SNX29: variants seen among roughly 807,000 people sequenced by gnomAD.
The protein encoded by SNX29 is sorting nexin 29, also known as sorting nexin-29.
Under a neutral mutation model 102.1 loss-of-function variants are expected in SNX29, and 78 were observed. That is an observed-to-expected ratio of 0.76 (90% confidence interval 0.64 to 0.92). The LOEUF (loss-of-function observed/expected upper bound fraction) is 0.92. Among genes scored for constraint, SNX29 ranks in the 40% least tolerant of loss-of-function variants. The pLI is 0.00. For missense variants in SNX29, 1,280 were observed against 1,061.7 expected (o/e 1.21, Z -2.86); for synonymous variants, 580 against 414.5 (o/e 1.40, Z -4.85).
chr16:12,425,121 T>G (rs1211264311), intron 18 of SNX29, among the ~76,000 whole-genome samples: 2 of 152,348 alleles, frequency 1.3e-5, no homozygotes, highest in African/African-American at 4.8e-5. Context: ...TGCATTAATC[T>G]AAACGCAAAA....
chr16:12,209,178 G>A (rs185715226), intron 14 of SNX29, among the ~76,000 whole-genome samples: 35 of 152,278 alleles, frequency 2.3e-4, no homozygotes, highest in African/African-American at 8.4e-4. Context: ...ACGGGTTGCA[G>A]GGGGGTAAAG....
At chr16:12,174,976 G>C (rs1184916461) in intron 13 of SNX29, among the ~76,000 whole-genome samples, 2 of 152,114 alleles carry the variant, frequency 1.3e-5, no homozygotes, top group African/African-American at 4.8e-5. Context: ...AAGAGGGCTA[G>C]TAAACAGCTT....
intron 1 of SNX29, among the ~76,000 whole-genome samples, chr16:11,983,027 C>T (rs1393647155): frequency 6.6e-6 from 1 of 151,848 alleles, no homozygotes; most frequent in Non-Finnish European, 1.5e-5. Flanking sequence ...GCCTCCTGGG[C>T]TCCAGTGATT....
chr16:12,564,259 A>G (rs554249573), intron 20 of SNX29, among the ~76,000 whole-genome samples: 17 of 152,306 alleles, frequency 1.1e-4, no homozygotes, highest in African/African-American at 3.8e-4. Flanking sequence ...TTCCTTTGGT[A>G]TATTAGATGC....
rs554260223 is a variant in SNX29, at chr16:12,351,766, C to G, written c.1783-4397C>G. The stretch of plus-strand genomic sequence containing the variant: ...AGGCATCATTTTCCAAAGCCCAACT[C>G]AAATGTCACTTTCTTGGTGGTGCTT... On this transcript the variant is annotated intron_variant, in intron 15 of 20. Coordinates refer to ENST00000566228, the MANE Select transcript of SNX29 (RefSeq NM_032167.5). Among the ~76,000 whole-genome samples the G allele has an allele frequency of 3.3e-5, 5 of 152,252 alleles. No homozygotes were observed. In the South Asian group the frequency reaches 1.0e-3, roughly 32 times the overall value.
At chr16:12,200,841 C>T (rs2076897304) in intron 14 of SNX29, among the ~76,000 whole-genome samples, 1 of 152,212 alleles carries the variant, frequency 6.6e-6, no homozygotes, top group Non-Finnish European at 1.5e-5. Context: ...CCACGACCAC[C>T]TGACCCCTTT....
rs1177696217 is a variant in SNX29, at chr16:12,059,970, C to T, written c.1125-1558C>T. ...TTGCCTCCCTTCCCTTTGTCTGCCC[C>T]CGCACTTCCCTTCTTAAGTAGGTAT... On this transcript the variant is annotated intron_variant, in intron 8 of 20. Transcript: ENST00000566228. 3.3e-5 allele frequency among the ~76,000 whole-genome samples: 5 copies of T among 152,136 alleles called. No individual in the cohort carries two copies. In the South Asian group the frequency reaches 1.0e-3, roughly 32 times the overall value.
At chr16:12,346,875 G>T (rs1244777295) in intron 15 of SNX29, among the ~76,000 whole-genome samples, 6 of 152,028 alleles carry the variant, frequency 3.9e-5, no homozygotes, top group Admixed American at 2.6e-4. Flanking sequence ...TCCCTCCCTG[G>T]CTTGCCTGTG....
intron 3 of SNX29, among the ~76,000 whole-genome samples, chr16:12,009,038 G>A (rs1342497989): frequency 5.3e-5 from 8 of 152,180 alleles, no homozygotes; most frequent in East Asian, 3.9e-4. Flanking sequence ...CACTGCGCCC[G>A]GCCTATGTTT....
chr16:12,077,319 A>G (rs2051625660), intron 10 of SNX29, among the ~76,000 whole-genome samples: 1 of 151,838 alleles, frequency 6.6e-6, no homozygotes, highest in African/African-American at 2.4e-5. Flanking sequence ...AAATGAAAAA[A>G]GAAAATCAGT....
intron 8 of SNX29, among the ~76,000 whole-genome samples, chr16:12,056,957 GACTATAGGT>G (rs55738869): frequency 0.35 from 53,506 of 151,600 alleles, 10,742 homozygotes; most frequent in Middle Eastern, 0.49. Context: ...GAGTAGCTAG[GACTATAGGT>G]ACATGCCACC....
chr16:12,331,822 G>T (rs1156294312), intron 15 of SNX29, among the ~76,000 whole-genome samples: 5 of 152,182 alleles, frequency 3.3e-5, no homozygotes, highest in Middle Eastern at 3.2e-3. Flanking sequence ...AATGTGCTGG[G>T]ATTACAAGTG....
chr16:12,313,740 G>A (rs944424737), intron 15 of SNX29, among the ~76,000 whole-genome samples: 1 of 152,242 alleles, frequency 6.6e-6, no homozygotes, highest in Admixed American at 6.5e-5. Flanking sequence ...CGGGTATGGA[G>A]TCTTAATTGC....
At chr16:12,152,747 A>G (rs572512493) in intron 13 of SNX29, among the ~76,000 whole-genome samples, 2 of 152,350 alleles carry the variant, frequency 1.3e-5, no homozygotes, top group East Asian at 3.9e-4. Flanking sequence ...ATTATTGACA[A>G]AACATAATAG....
At chr16:11,987,243 A>T (rs7200632) in intron 1 of SNX29, among the ~76,000 whole-genome samples, 40,380 of 149,466 alleles carry the variant, frequency 0.27, 6,295 homozygotes, top group South Asian at 0.5. Context: ...TTTTTTTTTT[A>T]AATTTTCATA....
chr16:12,253,378 G>T (rs2078477171), intron 14 of SNX29, among the ~76,000 whole-genome samples: 1 of 152,224 alleles, frequency 6.6e-6, no homozygotes, highest in South Asian at 2.1e-4. Context: ...GTTAGGGGGA[G>T]ACAGAAGATA....
intron 20 of SNX29, among the ~76,000 whole-genome samples, chr16:12,550,477 G>A (rs1173260707): frequency 2.0e-5 from 3 of 151,018 alleles, no homozygotes; most frequent in African/African-American, 7.3e-5. Context: ...GGAGGTTGGA[G>A]TGAGCTGACA....
In SNX29 at chr16:12,090,629, C is replaced by T. The variant is rs117917119; in HGVS notation, c.1402+11714C>T. ...GTTTCCCATTTCCATCCTGGTTTCT[C>T]TCCAGATGGCCTCTGCCAGTCTTCA... On this transcript the variant is annotated intron_variant, in intron 11 of 20. Transcript: ENST00000566228. Among the ~76,000 whole-genome samples, 114 of 152,308 alleles carry T rather than the reference C, an allele frequency of 7.5e-4. 3 individuals are homozygous for T. The highest frequency in any genetic ancestry group is 1.0e-3 in the Non-Finnish European group (69 of 68,022).
At chr16:12,205,160 G>A (rs546124978) in intron 14 of SNX29, among the ~76,000 whole-genome samples, 1 of 152,322 alleles carries the variant, frequency 6.6e-6, no homozygotes, top group South Asian at 2.1e-4. Context: ...GGAGCTTGCA[G>A]GGTAACTTTT....
Sources: gnomAD v4.1 joint callset for allele counts (sites outside exome capture counted in the v4.1 genomes callset) on GRCh38, gnomAD v4.1.1 for gene constraint, MANE v1.5 for transcripts, NCBI Gene and HGNC (gene_info 2026-07-23, HGNC 2026-07-21) for gene names.